Variants in STS observed in about 807,000 individuals in gnomAD.
The protein encoded by STS is steryl-sulfatase.
Under a neutral mutation model 26.8 loss-of-function variants are expected in STS, and 7 were observed. The ratio of observed to expected loss-of-function variants is 0.26; its 90% CI spans 0.15 to 0.49. STS has a LOEUF of 0.49. Ranked by LOEUF, STS falls within the 20% of genes least tolerant of loss-of-function variation. The pLI is 0.98. For missense variants in STS, 434 were observed against 465.6 expected (o/e 0.93, Z 0.63); for synonymous variants, 199 against 189.4 (o/e 1.05, Z -0.42).
chrX:7,310,720 G>C (rs1169114493), intron 8 of STS, among the ~76,000 whole-genome samples: 5 of 111,507 alleles, frequency 4.5e-5, no homozygotes, highest in Admixed American at 9.5e-5. Context: ...CCAGGGCTCT[G>C]TCCTGGGCCC....
At chrX:7,334,144 G>T in intron 10 of STS, 37 bp downstream of exon 10, 2 of 1,210,571 alleles carry the variant, frequency 1.7e-6, no homozygotes, top group Non-Finnish European at 2.2e-6. Flanking sequence ...CTCATGCTCC[G>T]TGCAACCTAT....
intron 5 of STS, among the ~76,000 whole-genome samples, chrX:7,258,413 C>T (rs5933824): frequency 0.36 from 39,585 of 110,173 alleles, 5,281 homozygotes; most frequent in East Asian, 0.4. Context: ...GAAAGATAGA[C>T]ATATACATAG....
At chrX:7,254,577 C>CTTTT (rs34965003) in intron 3 of STS, among the ~76,000 whole-genome samples, 111 of 73,023 alleles carry the variant, frequency 1.5e-3, no homozygotes, top group East Asian at 2.0e-3. Context: ...TTTTCTTCTT[C>CTTTT]TTTTTTTTTT....
At position 7,279,413 on chromosome X, in the gene STS, C is replaced by CTGTGTG. The variant is rs60649361; in HGVS notation, c.943+3348_943+3353dup. 1.6e-4 allele frequency among the ~76,000 whole-genome samples: 13 copies of CTGTGTG among 80,053 alleles called. No homozygotes were observed. In the South Asian group the frequency reaches 8.2e-3, roughly 51 times the overall value. The allele number at this position is 80,053 out of a possible 115,157, so 69.5% of individuals were successfully genotyped here. A position where few individuals can be genotyped will look rare whatever the true frequency, so the allele number is the denominator to read the frequency against. The stretch of plus-strand genomic sequence containing the variant: ...TGTGTGTATATATATGTGTGTGTGT[C>CTGTGTG]TGTGTGTGTGTGTGTGTGTGTGTGT... On this transcript the variant is annotated intron_variant, in intron 7 of 10. Transcript: ENST00000674429.
intron 8 of STS, among the ~76,000 whole-genome samples, chrX:7,324,468 A>C (rs781682590): frequency 2.7e-5 from 3 of 112,148 alleles, no homozygotes; most frequent in Non-Finnish European, 5.6e-5. Context: ...TACAGAATGT[A>C]GATTTTCTGC....
chrX:7,152,221 G>A (rs1393981482), intron 1 of STS, among the ~76,000 whole-genome samples: 3 of 111,665 alleles, frequency 2.7e-5, no homozygotes, highest in Non-Finnish European at 5.7e-5. Context: ...CAAAGTGCTG[G>A]GATTACAGGC....
intron 7 of STS, among the ~76,000 whole-genome samples, chrX:7,303,438 TG>T (rs759551308): frequency 3.6e-5 from 4 of 111,185 alleles, no homozygotes; most frequent in Non-Finnish European, 7.5e-5. Flanking sequence ...GATTAGTACT[TG>T]GGGCTGGGAT....
chrX:7,263,666 A>C (rs746764084), intron 6 of STS, among the ~76,000 whole-genome samples: 1 of 112,398 alleles, frequency 8.9e-6, no homozygotes, highest in African/African-American at 3.2e-5. Flanking sequence ...TACTTGAAGC[A>C]TTGATGTGAA....
intron 2 of STS, 102 bp from the exon 3 acceptor site, chrX:7,253,094 T>C: frequency 1.0e-6 from 1 of 991,912 alleles, no homozygotes; most frequent in South Asian, 2.1e-5. Context: ...AAGGTTGCAG[T>C]GAGCTAAGAT....
chrX:7,271,501 G>T, intron 6 of STS, among the ~76,000 whole-genome samples: 1 of 110,979 alleles, frequency 9.0e-6, no homozygotes, highest in Non-Finnish European at 1.9e-5. Flanking sequence ...TTCCTCAAGG[G>T]CATCTTCTCT....
intron 2 of STS, among the ~76,000 whole-genome samples, chrX:7,218,104 G>A (rs1446230388): frequency 8.9e-6 from 1 of 111,875 alleles, no homozygotes; most frequent in Non-Finnish European, 1.9e-5. Flanking sequence ...GAAGGGAGTT[G>A]ATGAATCTTT....
chrX:7,302,940 T>A (rs1165722637), intron 7 of STS, among the ~76,000 whole-genome samples: 1 of 111,703 alleles, frequency 9.0e-6, no homozygotes, highest in African/African-American at 3.3e-5. Flanking sequence ...TTGATTCCCA[T>A]GTCTAGACCA....
intron 9 of STS, among the ~76,000 whole-genome samples, chrX:7,332,520 T>A (rs1927804974): frequency 1.8e-5 from 2 of 110,398 alleles, no homozygotes; most frequent in South Asian, 7.7e-4. Flanking sequence ...GGGGAGTCAT[T>A]GAAAGACATT....
intron 2 of STS, among the ~76,000 whole-genome samples, chrX:7,208,855 G>A (rs1235632593): frequency 1.8e-5 from 2 of 111,460 alleles, no homozygotes; most frequent in African/African-American, 3.3e-5. Flanking sequence ...GAGGCTCTAG[G>A]GGTTGAATTC....
chrX:7,242,135 G>A (rs767548363), intron 2 of STS, among the ~76,000 whole-genome samples: 2 of 110,579 alleles, frequency 1.8e-5, no homozygotes, highest in East Asian at 5.6e-4. Flanking sequence ...AAATCACTAG[G>A]TCCAGCCCAT....
chrX:7,257,117 G>A (rs1357470168), intron 3 of STS, 125 bp from the exon 4 acceptor site: 1 of 958,567 alleles, frequency 1.0e-6, no homozygotes, highest in East Asian at 3.3e-5. Flanking sequence ...GCCAGGCGTG[G>A]TAGTGTGAGC....
Position 7,276,026 on chromosome X carries a change from T to G in STS, c.882T>G (p.Phe294Leu), listed in dbSNP as rs112681849. The G allele has an allele frequency of 8.3e-7, 1 of 1,208,442 alleles. No homozygotes were observed. The highest frequency in any genetic ancestry group is 1.8e-5 in the South Asian group (1 of 56,649). Residue 294 changes from phenylalanine to leucine, a missense_variant, in exon 7 of 11, where the codon TTT (phenylalanine) becomes TTG (leucine). This residue lies in a region of STS where 229 missense variants were observed against 288.3 expected (regional missense o/e 0.79). Coordinates refer to ENST00000674429, the MANE Select transcript of STS (RefSeq NM_001320752.2). Reference sequence around the variant, plus strand: ...CAGCCCTGTTCTCCAGCAAAGACTTTGCTGGCAAAAGTCAACACGGAGTCT... The same window carrying G: ...CAGCCCTGTTCTCCAGCAAAGACTTGGCTGGCAAAAGTCAACACGGAGTCT... Reference protein sequence around the residue: ...VHTALFSSKDFAGKSQHGVYG... With the variant: ...VHTALFSSKDLAGKSQHGVYG...
intron 9 of STS, among the ~76,000 whole-genome samples, chrX:7,325,779 T>C (rs1927419044): frequency 1.8e-5 from 2 of 111,999 alleles, no homozygotes; most frequent in African/African-American, 6.5e-5. Flanking sequence ...AGAAGTAGGA[T>C]TGGAGGGAAA....
chrX:7,163,719 A>G (rs1933294106), intron 1 of STS, among the ~76,000 whole-genome samples: 1 of 112,850 alleles, frequency 8.9e-6, no homozygotes, highest in African/African-American at 3.2e-5. Context: ...GAGTTTTTCT[A>G]ACATACTTGG....
Sources: gnomAD v4.1 joint callset for allele counts (sites outside exome capture counted in the v4.1 genomes callset) on GRCh38, gnomAD v4.1.1 for gene constraint, gnomAD v4.1.1 regional missense constraint, MANE v1.5 for transcripts, NCBI Gene and HGNC (gene_info 2026-07-23, HGNC 2026-07-21) for gene names.